The following N4BP1 variants were observed in gnomAD, a reference collection of about 807,000 sequenced individuals.
The protein encoded by N4BP1 is NEDD4 binding protein 1.
In N4BP1, 21 loss-of-function variants were observed where a neutral mutation model predicts 70.9. The observed-to-expected ratio is 0.30, with a 90% confidence interval of 0.21 to 0.43. The LOEUF (loss-of-function observed/expected upper bound fraction) is 0.43, where lower values mean the gene tolerates loss of function less well. N4BP1 is among the 20% of genes least tolerant of loss of function. The probability of loss-of-function intolerance (pLI) is 1.00; values close to 1 mark genes in which losing one functional copy is unlikely to be tolerated. For missense variants in N4BP1, 936 were observed against 1,069.4 expected, an observed-to-expected ratio of 0.88 and a Z score of 1.74; for synonymous variants, 387 against 394.6, an observed-to-expected ratio of 0.98 and a Z score of 0.23.
At chr16:48,593,274 C>T (rs192564478) in intron 1 of N4BP1, among the ~76,000 whole-genome samples, 38 of 152,220 alleles carry the variant, frequency 2.5e-4, no homozygotes, top group Admixed American at 5.9e-4. Flanking sequence ...GGTTTTTCAC[C>T]GAAAGTAAAA....
At chr16:48,574,542 C>A (rs1037675493) in intron 1 of N4BP1, among the ~76,000 whole-genome samples, 2 of 152,076 alleles carry the variant, frequency 1.3e-5, no homozygotes, top group Non-Finnish European at 2.9e-5. Context: ...CAAAATAAAA[C>A]GTAAAATTAA....
At chr16:48,597,124 G>A (rs115265067) in intron 1 of N4BP1, among the ~76,000 whole-genome samples, 333 of 152,232 alleles carry the variant, frequency 2.2e-3, no homozygotes, top group African/African-American at 7.9e-3. Context: ...TCTGATCCCC[G>A]AATATGGGGA....
chr16:48,606,406 T>G (rs536997876), intron 1 of N4BP1, among the ~76,000 whole-genome samples: 32 of 152,326 alleles, frequency 2.1e-4, no homozygotes, highest in African/African-American at 7.5e-4. Context: ...GACCTTAGCC[T>G]GGCATTTTGG....
Position 48,553,596 on chromosome 16 carries a change from T to C in N4BP1, c.1963A>G (p.Arg655Gly). 6.2e-7 allele frequency: 1 copy of C among 1,608,450 alleles called. No homozygotes were observed. Residue 655 changes from arginine (R) to glycine (G), a missense_variant, in exon 3 of 7, where the codon AGA becomes GGA. By Grantham distance (125) the Arg-to-Gly change is moderately radical. Transcript: ENST00000262384. Reference protein sequence around the residue: ...AVEYFWKLGNRNITVFVPQWR... With the variant: ...AVEYFWKLGNGNITVFVPQWR... Reference sequence around the variant, plus strand: ...TGAGGGACAAATACAGTGATGTTTCTGTTGCCAAGCTTCCAAAAATATTCA... The same window carrying C: ...TGAGGGACAAATACAGTGATGTTTCCGTTGCCAAGCTTCCAAAAATATTCA...
At chr16:48,557,000 A>G (rs1426493698) in intron 2 of N4BP1, among the ~76,000 whole-genome samples, 1 of 152,054 alleles carries the variant, frequency 6.6e-6, no homozygotes. Context: ...ACCACAAACA[A>G]TTTCCACTTA....
intron 1 of N4BP1, among the ~76,000 whole-genome samples, chr16:48,581,996 C>G (rs973454332): frequency 6.6e-6 from 1 of 152,010 alleles, no homozygotes; most frequent in African/African-American, 2.4e-5. Flanking sequence ...AAGCAAGAAG[C>G]CAATCAACAG....
chr16:48,561,721 C>A lies in N4BP1; in HGVS notation c.922G>T (p.Glu308Ter), dbSNP rs770735248. ...AATGTCTTAGCATCGTGTAAAATCT[C>A]CCCCTCCTGAACATTTTCCAAAGAA... ...QFSLENVQEG[E>*]ILHDAKTLAG... Residue 308 changes from glutamate (E) to a stop codon, truncating the protein, a stop_gained, in exon 2 of 7, where the codon GAG becomes TAG. Coordinates refer to ENST00000262384, the MANE Select transcript of N4BP1 (RefSeq NM_153029.4). LOFTEE classifies it high-confidence loss of function. The A allele has an allele frequency of 8.1e-6, 13 of 1,612,198 alleles. No homozygotes were observed. Among genetic ancestry groups the A allele is most frequent in the Non-Finnish European group, 9.3e-6 (11 of 1,179,874 alleles).
intron 2 of N4BP1, among the ~76,000 whole-genome samples, chr16:48,557,727 T>C (rs7187513): frequency 0.4 from 61,262 of 151,996 alleles, 13,314 homozygotes; most frequent in African/African-American, 0.56. Flanking sequence ...CCCAAAAGTT[T>C]GAGTCCAGCC....
In N4BP1 at chr16:48,542,011, C is replaced by T. The variant is rs796406028; in HGVS notation, c.*893G>A. 11 of 152,818 alleles carry T rather than the reference C, an allele frequency of 7.2e-5. No homozygotes were observed. The highest frequency in any genetic ancestry group is 2.6e-4 in the African/African-American group (11 of 41,596). The allele number at this position is 152,818 out of a possible 1,614,324, so 9.5% of individuals were successfully genotyped here. A position where few individuals can be genotyped will look rare whatever the true frequency, so the allele number is the denominator to read the frequency against. On this transcript the variant is annotated 3_prime_UTR_variant, in exon 7 of 7. Coordinates refer to ENST00000262384, the MANE Select transcript of N4BP1 (RefSeq NM_153029.4). ...ACAAGATGGCCACAGTGACCGGGCT[C>T]TTCATTAAACTTCCTCATAACCCGC...
chr16:48,556,580 C>T (rs1750112547), intron 2 of N4BP1, among the ~76,000 whole-genome samples: 1 of 152,204 alleles, frequency 6.6e-6, no homozygotes, highest in African/African-American at 2.4e-5. Context: ...GCCCTCAAGA[C>T]ATTTAAATGC....
At chr16:48,577,322 T>G (rs528249064) in intron 1 of N4BP1, among the ~76,000 whole-genome samples, 97 of 152,208 alleles carry the variant, frequency 6.4e-4, no homozygotes, top group Non-Finnish European at 1.2e-3. Context: ...TTTGTTTTTT[T>G]TGTGTTTTTT....
rs552062748 is a variant in N4BP1, at chr16:48,542,034, C to G, written c.*870G>C. 1 of 152,646 alleles carries G rather than the reference C, an allele frequency of 6.6e-6. No individual in the cohort carries two copies. Among genetic ancestry groups the G allele is most frequent in the African/African-American group, 2.4e-5 (1 of 41,444 alleles). The allele number at this position is 152,646 out of a possible 1,614,324, so 9.5% of individuals were successfully genotyped here. A position where few individuals can be genotyped will look rare whatever the true frequency, so the allele number is the denominator to read the frequency against. ...CTCTTCATTAAACTTCCTCATAACCCGCTACGGTGTTCAGAAGCTAAGACG... is the reference window on the plus strand; with the variant it reads ...CTCTTCATTAAACTTCCTCATAACCGGCTACGGTGTTCAGAAGCTAAGACG... On this transcript the variant is annotated 3_prime_UTR_variant, in exon 7 of 7. Coordinates refer to ENST00000262384, the MANE Select transcript of N4BP1 (RefSeq NM_153029.4).
intron 1 of N4BP1, among the ~76,000 whole-genome samples, chr16:48,568,025 C>T: frequency 6.6e-6 from 1 of 152,176 alleles, no homozygotes; most frequent in East Asian, 1.9e-4. Flanking sequence ...GAGAATTATT[C>T]AAACTATCTA....
chr16:48,601,053 A>G (rs908646653), intron 1 of N4BP1, among the ~76,000 whole-genome samples: 2 of 152,238 alleles, frequency 1.3e-5, no homozygotes, highest in African/African-American at 4.8e-5. Context: ...ACAAGGAACT[A>G]ACAATTTGTA....
intron 1 of N4BP1, among the ~76,000 whole-genome samples, chr16:48,562,719 C>G (rs1963879707): frequency 6.6e-6 from 1 of 152,174 alleles, no homozygotes; most frequent in African/African-American, 2.4e-5. Context: ...ATTTGCTGAG[C>G]TACACAGTGA....
At chr16:48,551,306 T>C in intron 4 of N4BP1, 80 bp downstream of exon 4, 1 of 987,658 alleles carries the variant, frequency 1.0e-6, no homozygotes, top group African/African-American at 1.6e-5. Context: ...CCTCTAAAAG[T>C]GTGGACCTGT....
At chr16:48,562,736 C>A (rs1248033083) in intron 1 of N4BP1, among the ~76,000 whole-genome samples, 1 of 151,982 alleles carries the variant, frequency 6.6e-6, no homozygotes, top group Non-Finnish European at 1.5e-5. Context: ...GTGAATAATC[C>A]CAAGGCTGGA....
At chr16:48,562,626 C>A (rs985773094) in intron 1 of N4BP1, among the ~76,000 whole-genome samples, 182 bp from the exon 2 acceptor site, 11 of 152,124 alleles carry the variant, frequency 7.2e-5, no homozygotes, top group African/African-American at 2.7e-4. Flanking sequence ...CTTGCTTAAA[C>A]CATCTTTAGA....
chr16:48,596,216 C>T (rs1410701719), intron 1 of N4BP1, among the ~76,000 whole-genome samples: 1 of 152,064 alleles, frequency 6.6e-6, no homozygotes, highest in Non-Finnish European at 1.5e-5. Flanking sequence ...TTTTTTTCCT[C>T]TGCAATTTAG....
Sources: gnomAD v4.1 joint callset for allele counts (sites outside exome capture counted in the v4.1 genomes callset) on GRCh38, gnomAD v4.1.1 for gene constraint, MANE v1.5 for transcripts, NCBI Gene and HGNC (gene_info 2026-07-23, HGNC 2026-07-21) for gene names.